Variants in ZNF605 observed in about 807,000 individuals in gnomAD.
ZNF605 encodes the protein zinc finger protein 605.
In ZNF605, 9 loss-of-function variants were observed where a neutral mutation model predicts 7.9. That is an observed-to-expected ratio of 1.14 (90% CI 0.68 to 1.98). The LOEUF (loss-of-function observed/expected upper bound fraction) is 1.98. Among genes scored for constraint, ZNF605 ranks in the 30% most tolerant of loss-of-function variants. The probability of loss-of-function intolerance (pLI) is 0.00; values close to 1 mark genes in which losing one functional copy is unlikely to be tolerated. For missense variants in ZNF605, 673 were observed against 762.4 expected (o/e 0.88, Z 1.38); for synonymous variants, 255 against 260.1 (o/e 0.98, Z 0.19).
At position 132,941,384 on chromosome 12, in the gene ZNF605, T is replaced by A. The variant is rs1952439505; in HGVS notation, c.15+4237A>T. On this transcript the variant is annotated intron_variant, in intron 3 of 4. Transcript: ENST00000360187. This position sits in a 1 kb window ranked among gnomAD's most constrained non-coding sequence, Gnocchi z 5.1. ...GGCCATGACATTCTCGGCAGGTAGATCAATGTTTCGCTGTTTCCTTGTGGT... is the reference window on the plus strand; with the variant it reads ...GGCCATGACATTCTCGGCAGGTAGAACAATGTTTCGCTGTTTCCTTGTGGT... 6.6e-6 allele frequency among the ~76,000 whole-genome samples: 1 copy of A among 152,140 alleles called. No homozygotes were observed. The highest frequency in any genetic ancestry group is 6.5e-5 in the Admixed American group (1 of 15,272).
chr12:132,927,209 T>G, intron 4 of ZNF605, 47 bp from the exon 5 acceptor site: 1 of 1,367,136 alleles, frequency 7.3e-7, no homozygotes. Context: ...CCTTCAATTA[T>G]TATGCTTATT....
At chr12:132,951,301 C>A (rs1374775901) in intron 1 of ZNF605, among the ~76,000 whole-genome samples, 1 of 151,730 alleles carries the variant, frequency 6.6e-6, no homozygotes, top group Non-Finnish European at 1.5e-5. Context: ...CAGACACGTA[C>A]ACAGACATGC....
intron 3 of ZNF605, chr12:132,945,292 T>C: frequency 1.2e-6 from 1 of 867,728 alleles, no homozygotes; most frequent in Non-Finnish European, 1.9e-6. Flanking sequence ...TATAATCTAC[T>C]TTGTGCTTCT....
At chr12:132,952,738 G>T (rs1952585630) in intron 1 of ZNF605, among the ~76,000 whole-genome samples, 1 of 151,850 alleles carries the variant, frequency 6.6e-6, no homozygotes, top group Admixed American at 6.6e-5. Context: ...AGGCCAACGG[G>T]GTCACTGAGA....
intron 1 of ZNF605, among the ~76,000 whole-genome samples, chr12:132,955,094 TG>T (rs139223138): frequency 6.8e-4 from 103 of 152,186 alleles, no homozygotes; most frequent in African/African-American, 2.4e-3. Context: ...AAAGGGTTAT[TG>T]GAAGTGGGGA....
intron 3 of ZNF605, among the ~76,000 whole-genome samples, chr12:132,938,819 C>G (rs1225849541): frequency 4.0e-5 from 6 of 151,884 alleles, no homozygotes; most frequent in Non-Finnish European, 5.9e-5. Flanking sequence ...TCCGGGTGGG[C>G]GTGGGCTTGG....
Position 132,926,781 on chromosome 12 carries a change from T to A in ZNF605, c.518A>T (p.Glu173Val). 5 of 1,614,010 alleles carry A rather than the reference T, an allele frequency of 3.1e-6. No homozygotes were observed. The highest frequency in any genetic ancestry group is 4.2e-6 in the Non-Finnish European group (5 of 1,179,918). ...ITHTGVYLCM[E>V]CGRFFNKKSQ... ...CTTCTTGTTAAAAAATCTGCCACAT[T>A]CCATGCATAAATAGACTCCTGTGTG... The change falls in exon 5 of 5, where the codon GAA becomes GTA. Residue 173 changes from glutamate (E) to valine (V), a missense_variant. Coordinates refer to ENST00000360187, the MANE Select transcript of ZNF605 (RefSeq NM_183238.4).
At chr12:132,936,288 G>C (rs1952366334) in intron 3 of ZNF605, among the ~76,000 whole-genome samples, 1 of 152,046 alleles carries the variant, frequency 6.6e-6, no homozygotes, top group Non-Finnish European at 1.5e-5. Flanking sequence ...AGAAGTCAAT[G>C]GAAGGGCTTA....
At chr12:132,950,898 GCACA>G (rs1379152790) in intron 1 of ZNF605, among the ~76,000 whole-genome samples, 4 of 149,840 alleles carry the variant, frequency 2.7e-5, no homozygotes, top group Non-Finnish European at 5.9e-5. Context: ...ACTCACAGAC[GCACA>G]CACATACTGA....
Position 132,925,299 on chromosome 12 carries a change from A to T in ZNF605, c.*74T>A. ...ACTGCCTCAATAGGGTTTCTCTCCCACATGCATCCTCAAAAGTGTCAGAAA... is the reference window on the plus strand; with the variant it reads ...ACTGCCTCAATAGGGTTTCTCTCCCTCATGCATCCTCAAAAGTGTCAGAAA... On this transcript the variant is annotated 3_prime_UTR_variant, in exon 5 of 5. Transcript: ENST00000360187. 8.9e-7 allele frequency: 1 copy of T among 1,129,276 alleles called. No individual in the cohort carries two copies. Among genetic ancestry groups the T allele is most frequent in the Non-Finnish European group, 1.3e-6 (1 of 798,060 alleles). The allele number at this position is 1,129,276 out of a possible 1,614,324, so 70.0% of individuals were successfully genotyped here.
chr12:132,929,136 G>A (rs751857085), intron 4 of ZNF605, among the ~76,000 whole-genome samples: 180 of 152,232 alleles, frequency 1.2e-3, no homozygotes, highest in Non-Finnish European at 1.3e-3. Flanking sequence ...GGCTGGCTGC[G>A]GTGACTGATG....
intron 1 of ZNF605, 43 bp from the exon 2 acceptor site, chr12:132,948,313 G>A (rs1281883899): frequency 6.6e-6 from 1 of 152,240 alleles, no homozygotes; most frequent in African/African-American, 2.4e-5. Flanking sequence ...AAACTTGGGA[G>A]ACAAGAGGGA....
chr12:132,942,857 A>G (rs1292589716), intron 3 of ZNF605, among the ~76,000 whole-genome samples: 1 of 152,234 alleles, frequency 6.6e-6, no homozygotes, highest in African/African-American at 2.4e-5. Flanking sequence ...TGCCGAGGTG[A>G]CTGCTGAGGC....
chr12:132,928,379 T>C (rs1952269596), intron 4 of ZNF605, among the ~76,000 whole-genome samples: 1 of 152,224 alleles, frequency 6.6e-6, no homozygotes, highest in Admixed American at 6.5e-5. Context: ...TAAAACTTCC[T>C]CTTGGAATTA....
chr12:132,952,673 A>G (rs981701610), intron 1 of ZNF605, among the ~76,000 whole-genome samples: 3 of 151,798 alleles, frequency 2.0e-5, no homozygotes, highest in Non-Finnish European at 4.4e-5. Flanking sequence ...GAGGGATGGA[A>G]GAGGCCTAGG....
intron 2 of ZNF605, among the ~76,000 whole-genome samples, chr12:132,947,125 G>T (rs750701723): frequency 1.1e-3 from 166 of 151,708 alleles, no homozygotes; most frequent in Non-Finnish European, 2.1e-3. Context: ...CGATTCTTCT[G>T]CCTCAGACTC....
At chr12:132,952,358 C>T (rs973083454) in intron 1 of ZNF605, among the ~76,000 whole-genome samples, 1 of 145,898 alleles carries the variant, frequency 6.9e-6, no homozygotes, top group Non-Finnish European at 1.5e-5. Flanking sequence ...CTACTGGGGG[C>T]GTTGAGGCGG....
At chr12:132,929,035 AAAACAAAAC>A (rs1366056852) in intron 4 of ZNF605, among the ~76,000 whole-genome samples, 339 of 14,770 alleles carry the variant, frequency 0.023, 1 homozygote, top group Non-Finnish European at 0.1. Flanking sequence ...AAAACAAAAC[AAAACAAAAC>A]AAAAAAACCC....
intron 1 of ZNF605, chr12:132,948,579 A>C (rs1431782155): frequency 2.0e-5 from 3 of 152,230 alleles, no homozygotes; most frequent in Admixed American, 2.0e-4. Flanking sequence ...GAGCGAGAAG[A>C]CCTACAGCAA....
Sources: allele counts gnomAD v4.1 joint callset (sites outside exome capture counted in the v4.1 genomes callset), GRCh38; gene constraint gnomAD v4.1.1; non-coding constraint Gnocchi (gnomAD v3.1); transcripts MANE v1.5; gene names NCBI Gene and HGNC (gene_info 2026-07-23, HGNC 2026-07-21).